ATP2B2: variants seen among roughly 807,000 people sequenced by gnomAD.
ATP2B2 encodes ATPase plasma membrane Ca2+ transporting 2.
In ATP2B2, 15 loss-of-function variants were observed where a neutral mutation model predicts 120.0. The observed-to-expected ratio is 0.12, with a 90% CI of 0.08 to 0.19. The LOEUF is 0.19. Among genes scored for constraint, ATP2B2 ranks in the 10% least tolerant of loss-of-function variants. The pLI is 1.00. For missense variants in ATP2B2, 1,045 were observed against 1,719.8 expected, an observed-to-expected ratio of 0.61 and a Z score of 6.94; for synonymous variants, 694 against 700.3, an observed-to-expected ratio of 0.99 and a Z score of 0.14.
chr3:10,488,564 C>T (rs1014633316), intron 1 of ATP2B2, among the ~76,000 whole-genome samples: 5 of 150,496 alleles, frequency 3.3e-5, no homozygotes, highest in Non-Finnish European at 5.9e-5. Flanking sequence ...TCCTTCCTTC[C>T]GTGGTTCAAT....
chr3:10,660,637 A>C lies in ATP2B2; in HGVS notation c.-459-40676T>G, dbSNP rs190131740. Among the ~76,000 whole-genome samples the C allele has an allele frequency of 1.4e-4, 21 of 152,380 alleles. No individual in the cohort carries two copies. In the East Asian group the frequency reaches 1.7e-3, roughly 13 times the overall value. ...TACCAACCAAAAAAAGTCCAGGACC[A>C]GACGGATTCACAGCCGAATTCTACC... On this transcript the variant is annotated intron_variant, in intron 1 of 21. Coordinates refer to the ATP2B2 transcript ENST00000646379.
chr3:10,394,897 A>G (rs1280213643), intron 5 of ATP2B2, among the ~76,000 whole-genome samples: 2 of 151,936 alleles, frequency 1.3e-5, no homozygotes, highest in African/African-American at 2.4e-5. Context: ...CCACTGCCAC[A>G]TTGATGGCAT....
At position 10,706,279 on chromosome 3, in the gene ATP2B2, AG is replaced by A. The variant is rs1466504647; in HGVS notation, c.-460+1635del. On this transcript the variant is annotated intron_variant, in intron 1 of 21. Transcript: ENST00000646379. Reference sequence around the variant, plus strand: ...CCTGGGGGAAGGAATGACCTCGCACAGAGGTGTGGAGAAGAGTGGTACAGAT... The same window carrying A: ...CCTGGGGGAAGGAATGACCTCGCACAAGGTGTGGAGAAGAGTGGTACAGAT... Among the ~76,000 whole-genome samples the A allele has an allele frequency of 2.0e-5, 3 of 152,200 alleles. No individual in the cohort carries two copies. The East Asian group carries it at 5.8e-4, about 29-fold the overall frequency.
In ATP2B2 at chr3:10,330,870, C is replaced by T. The variant is rs549783707; in HGVS notation, c.3421-1745G>A. 3.2e-4 allele frequency among the ~76,000 whole-genome samples: 49 copies of T among 152,332 alleles called. No individual in the cohort carries two copies. The South Asian group carries it at 5.6e-3, about 17-fold the overall frequency. On this transcript the variant is annotated intron_variant, in intron 22 of 22. Transcript: ENST00000360273. ...GGAATTCTTTCTAAAGCATGTCATACGCTCCTCTGACTTCTAATTTAGAGT... is the reference window on the plus strand; with the variant it reads ...GGAATTCTTTCTAAAGCATGTCATATGCTCCTCTGACTTCTAATTTAGAGT...
chr3:10,521,379 A>G (rs1255650683), intron 3 of ATP2B2, among the ~76,000 whole-genome samples: 1 of 152,278 alleles, frequency 6.6e-6, no homozygotes, highest in Non-Finnish European at 1.5e-5. Context: ...ATCCAGGACC[A>G]GAAAATCCTT....
chr3:10,628,161 GA>G (rs1373989631), intron 1 of ATP2B2, among the ~76,000 whole-genome samples: 2 of 152,222 alleles, frequency 1.3e-5, no homozygotes, highest in Non-Finnish European at 2.9e-5. Context: ...GCAGAGGCCC[GA>G]CAACCCAGGG....
In ATP2B2 at chr3:10,651,534, T is replaced by C. The variant is rs540620037; in HGVS notation, c.-459-31573A>G. Among the ~76,000 whole-genome samples, 7 of 152,330 alleles carry C rather than the reference T, an allele frequency of 4.6e-5. No homozygotes were observed. In the South Asian group the frequency reaches 1.4e-3, roughly 32 times the overall value. ...CAGCCACATGGAACTGTAAGTCCAA[T>C]AAATCTCCTCCTTTTGTAAATTGCC... On this transcript the variant is annotated intron_variant, in intron 1 of 21. Transcript: ENST00000646379.
At chr3:10,692,926 C>A (rs948197518) in intron 1 of ATP2B2, among the ~76,000 whole-genome samples, 1 of 152,170 alleles carries the variant, frequency 6.6e-6, no homozygotes, top group Admixed American at 6.5e-5. Flanking sequence ...TCACTGGCAG[C>A]CCTGGATCCT....
intron 1 of ATP2B2, among the ~76,000 whole-genome samples, chr3:10,632,398 G>T (rs902711950): frequency 6.6e-6 from 1 of 152,170 alleles, no homozygotes; most frequent in Admixed American, 6.5e-5. Context: ...CCCGGGGCAG[G>T]CCAGTATCCT....
chr3:10,385,061 C>G (rs1220171731), intron 8 of ATP2B2, among the ~76,000 whole-genome samples: 1 of 152,216 alleles, frequency 6.6e-6, no homozygotes, highest in Admixed American at 6.5e-5. Context: ...TTTTTGGCAG[C>G]TGTGAGGCTG....
Position 10,358,704 on chromosome 3 carries a change from G to A in ATP2B2, c.2123C>T (p.Pro708Leu), listed in dbSNP as rs751442343. 2 of 1,614,186 alleles carry A rather than the reference G, an allele frequency of 1.2e-6. No homozygotes were observed. Among genetic ancestry groups the A allele is most frequent in the Non-Finnish European group, 1.7e-6 (2 of 1,180,030 alleles). ...CCTGGGGCCTACCTCTGGCCGCACC[G>A]GGTCCTCGATGCCCACCACGCAGAT... ...TCICVVGIED[P>L]VRPEVPEAIR... The change falls in exon 14 of 23, where the codon CCG becomes CTG. Residue 708 changes from proline to leucine, a missense_variant. By Grantham distance (98) the Pro-to-Leu change is moderately conservative (BLOSUM62 -3). Coordinates refer to ENST00000360273, the MANE Select transcript of ATP2B2 (RefSeq NM_001001331.4).
In ATP2B2 at chr3:10,325,915, C is replaced by T. The variant is rs558401346; in HGVS notation, c.*2899G>A. The T allele has an allele frequency of 2.0e-5, 3 of 151,918 alleles. No individual in the cohort carries two copies. The highest frequency in any genetic ancestry group is 1.3e-4 in the Admixed American group (2 of 15,268). The allele number at this position is 151,918 out of a possible 1,614,324, so 9.4% of individuals were successfully genotyped here. The stretch of plus-strand genomic sequence containing the variant: ...AAGAAGCTATGTGGATGATGCAGTC[C>T]CAAAGTAGAAAAAAGTATACATTAC... On this transcript the variant is annotated 3_prime_UTR_variant, in exon 23 of 23. Coordinates refer to ENST00000360273, the MANE Select transcript of ATP2B2 (RefSeq NM_001001331.4).
At chr3:10,657,711 G>T (rs2070672940) in intron 1 of ATP2B2, among the ~76,000 whole-genome samples, 1 of 152,260 alleles carries the variant, frequency 6.6e-6, no homozygotes, top group African/African-American at 2.4e-5. Context: ...AACCTCTGCA[G>T]ACTTAAATGT....
At chr3:10,339,701 G>A (rs373429482) in intron 21 of ATP2B2, among the ~76,000 whole-genome samples, 4 of 152,174 alleles carry the variant, frequency 2.6e-5, no homozygotes, top group Admixed American at 2.6e-4. Context: ...GAGTAACACC[G>A]CAATGTGGCA....
chr3:10,655,666 C>G (rs761660969), intron 1 of ATP2B2, among the ~76,000 whole-genome samples: 1 of 152,198 alleles, frequency 6.6e-6, no homozygotes, highest in African/African-American at 2.4e-5. Flanking sequence ...CCTGGACTTA[C>G]GTGGAGTCAC....
At chr3:10,606,640 G>C (rs968183910) in intron 2 of ATP2B2, among the ~76,000 whole-genome samples, 1 of 152,072 alleles carries the variant, frequency 6.6e-6, no homozygotes, top group Non-Finnish European at 1.5e-5. Context: ...GTGCATGCAG[G>C]GGAGTTTTGG....
intron 1 of ATP2B2, among the ~76,000 whole-genome samples, chr3:10,454,335 G>A (rs1011178931): frequency 6.6e-6 from 1 of 152,268 alleles, no homozygotes; most frequent in East Asian, 1.9e-4. Context: ...TTCAGGTAAA[G>A]AAGGACTTAA....
At chr3:10,468,201 G>A (rs2064833348) in intron 1 of ATP2B2, among the ~76,000 whole-genome samples, 1 of 152,238 alleles carries the variant, frequency 6.6e-6, no homozygotes, top group Non-Finnish European at 1.5e-5. Context: ...CAGACAGGAG[G>A]ATGCTTTCAG....
At chr3:10,370,766 CA>C (rs2061213855) in intron 12 of ATP2B2, among the ~76,000 whole-genome samples, 1 of 152,138 alleles carries the variant, frequency 6.6e-6, no homozygotes, top group Non-Finnish European at 1.5e-5. Flanking sequence ...CAGGGCTCAG[CA>C]CATTGGGAGG....
Sources: allele counts gnomAD v4.1 joint callset (sites outside exome capture counted in the v4.1 genomes callset), GRCh38; gene constraint gnomAD v4.1.1; transcripts MANE v1.5; gene names NCBI Gene and HGNC (gene_info 2026-07-23, HGNC 2026-07-21).